Variants in GAA observed in about 807,000 individuals in gnomAD.
GAA encodes the protein alpha glucosidase.
Under a neutral mutation model 103.9 loss-of-function variants are expected in GAA, and 88 were observed. The observed-to-expected ratio is 0.85, with a 90% CI of 0.71 to 1.01. The LOEUF (loss-of-function observed/expected upper bound fraction) is 1.01, where lower values mean the gene tolerates loss of function less well. Ranked by LOEUF, GAA falls within the 50% of genes least tolerant of loss-of-function variation. GAA has a pLI of 0.00. For missense variants in GAA, 1,350 were observed against 1,305.3 expected (o/e 1.03, Z -0.53); for synonymous variants, 572 against 563.1 (o/e 1.02, Z -0.22).
In GAA at chr17:80,113,204, C is replaced by A; in HGVS notation, c.2041-14C>A. The A allele has an allele frequency of 6.3e-7, 1 of 1,587,356 alleles. No homozygotes were observed. The highest frequency in any genetic ancestry group is 2.3e-5 in the East Asian group (1 of 43,652). ...AGCACCCAAGTGCTTCCTTTGCCCC[C>A]GCCTGCCCTGCAGCCCCAGGAGCCG... On this transcript the variant is annotated splice_polypyrimidine_tract_variant and intron_variant, in intron 14 of 19. Coordinates refer to ENST00000302262, the MANE Select transcript of GAA (RefSeq NM_000152.5).
Position 80,111,140 on chromosome 17 carries a change from GGC to G in GAA, c.1636+117_1636+118del, listed in dbSNP as rs1491342160. ...AAGCAGATGGGCCAGCGGGGAAAGG[GGC>G]GGGGGGGGGATCCCCAGGAGAAAGG... is the stretch of plus-strand genomic sequence containing the variant. On this transcript the variant is annotated intron_variant, in intron 11 of 19. Transcript: ENST00000302262. 220 of 939,190 alleles carry G rather than the reference GGC, an allele frequency of 2.3e-4. 8 individuals are homozygous for G. Among genetic ancestry groups the G allele is most frequent in the African/African-American group, 6.1e-4 (31 of 50,930 alleles). The allele number at this position is 939,190 out of a possible 1,614,324, so 58.2% of individuals were successfully genotyped here.
rs753375900 is a variant in GAA, at chr17:80,104,724, C to T, written c.138C>T (p.Ser46=). 1.3e-5 allele frequency: 21 copies of T among 1,612,188 alleles called. No homozygotes were observed. The East Asian group carries it at 4.2e-4, about 33-fold the overall frequency. The change falls in exon 2 of 20, where the codon TCC becomes TCT. Residue 46 remains serine, a synonymous_variant. Transcript: ENST00000302262. This position sits in a 1 kb window ranked among gnomAD's most constrained non-coding sequence, Gnocchi z 4.0. ...TTCCCCGAGAGCTGAGTGGCTCCTCCCCAGTCCTGGAGGAGACTCACCCAG... is the reference window on the plus strand; with the variant it reads ...TTCCCCGAGAGCTGAGTGGCTCCTCTCCAGTCCTGGAGGAGACTCACCCAG... The part of the protein sequence containing the change: ...LLVPRELSGS[S]PVLEETHPAH...
chr17:80,111,942 C>A, intron 11 of GAA, 41 bp from the exon 12 acceptor site: 2 of 1,561,286 alleles, frequency 1.3e-6, no homozygotes, highest in Non-Finnish European at 1.8e-6. Context: ...TGGAGCCTGC[C>A]GGGAGGAAGC....
intron 15 of GAA, among the ~76,000 whole-genome samples, chr17:80,114,649 A>G (rs2143906742): frequency 6.6e-6 from 1 of 152,328 alleles, no homozygotes; most frequent in Non-Finnish European, 1.5e-5. Context: ...TAAGTCAAAT[A>G]GGAGGGAAAA....
chr17:80,110,434 C>A (rs1198667192), intron 9 of GAA, among the ~76,000 whole-genome samples: 1 of 152,194 alleles, frequency 6.6e-6, no homozygotes, highest in Non-Finnish European at 1.5e-5. Context: ...TTGCACGGGG[C>A]CGTCTCCGCT....
intron 16 of GAA, 60 bp downstream of exon 16, chr17:80,117,169 C>T (rs1342924714): frequency 3.2e-6 from 5 of 1,555,316 alleles, no homozygotes; most frequent in Admixed American, 1.7e-5. Flanking sequence ...CTCCCACCTG[C>T]CCCCTCCACC....
intron 11 of GAA, 126 bp downstream of exon 11, chr17:80,111,151 G>T: frequency 5.9e-6 from 5 of 844,728 alleles, no homozygotes; most frequent in East Asian, 2.7e-5. Context: ...GCGGGGGGGG[G>T]ATCCCCAGGA....
chr17:80,111,596 G>T, intron 11 of GAA: 2 of 328,174 alleles, frequency 6.1e-6, no homozygotes, highest in Non-Finnish European at 5.8e-6. Flanking sequence ...GAAGTACAAG[G>T]ATGGGCCTGG....
At chr17:80,116,681 A>G (rs924665110) in intron 15 of GAA, 1 of 494,560 alleles carries the variant, frequency 2.0e-6, no homozygotes, top group African/African-American at 1.9e-5. Flanking sequence ...GAGCGAGCAA[A>G]GTGAGGCCAG....
At chr17:80,115,867 T>C (rs888766282) in intron 15 of GAA, among the ~76,000 whole-genome samples, 3 of 152,232 alleles carry the variant, frequency 2.0e-5, no homozygotes, top group Admixed American at 1.3e-4. Context: ...ACAGATGGCA[T>C]CCGTGAGTCT....
At position 80,116,948 on chromosome 17, in the gene GAA, T is replaced by C. The variant is rs1485579975; in HGVS notation, c.2190-20T>C. The stretch of plus-strand genomic sequence containing the variant: ...ATCCCATTCATCACCCGTATGCCTG[T>C]GTGCCCATCCCCCTTGCAGGTTCCC... On this transcript the variant is annotated intron_variant, in intron 15 of 19. Coordinates refer to ENST00000302262, the MANE Select transcript of GAA (RefSeq NM_000152.5). The C allele has an allele frequency of 6.2e-7, 1 of 1,613,546 alleles. No homozygotes were observed. Among genetic ancestry groups the C allele is most frequent in the Admixed American group, 1.7e-5 (1 of 60,024 alleles).
chr17:80,108,434 C>T, intron 6 of GAA, 25 bp downstream of exon 6: 3 of 1,613,146 alleles, frequency 1.9e-6, no homozygotes, highest in Non-Finnish European at 2.5e-6. Flanking sequence ...CTGGCCGCGG[C>T]CCCCGCCCCA....
intron 9 of GAA, among the ~76,000 whole-genome samples, 183 bp from the exon 10 acceptor site, chr17:80,110,544 G>A (rs956762042): frequency 2.0e-5 from 3 of 152,370 alleles, no homozygotes; most frequent in African/African-American, 7.2e-5. Flanking sequence ...CCTTGGCCCC[G>A]CATCAGTGCC....
intron 15 of GAA, among the ~76,000 whole-genome samples, chr17:80,114,089 GAAAA>G (rs75151558): frequency 8.5e-5 from 6 of 70,516 alleles, no homozygotes; most frequent in Admixed American, 1.6e-4. Context: ...TTCATTTAGA[GAAAA>G]AAAAAAAAAA....
intron 15 of GAA, among the ~76,000 whole-genome samples, chr17:80,114,576 G>A (rs545770393): frequency 2.8e-4 from 42 of 152,180 alleles, no homozygotes; most frequent in Admixed American, 2.1e-3. Context: ...GCTGTTACAC[G>A]TCTGTATCCA....
chr17:80,103,882 C>G (rs567212240), intron 1 of GAA, among the ~76,000 whole-genome samples: 1 of 152,172 alleles, frequency 6.6e-6, no homozygotes, highest in Non-Finnish European at 1.5e-5. Context: ...GGAAAGGGAG[C>G]AAGGAAAGGT....
At chr17:80,102,824 G>A (rs1375029117) in intron 1 of GAA, 1 of 152,258 alleles carries the variant, frequency 6.6e-6, no homozygotes, top group Non-Finnish European at 1.5e-5. Context: ...GTGACAACCT[G>A]GGATTTGCCA....
At chr17:80,116,945 C>T (rs1207386748) in intron 15 of GAA, 23 bp from the exon 16 acceptor site, 1 of 1,613,384 alleles carries the variant, frequency 6.2e-7, no homozygotes, top group Non-Finnish European at 8.5e-7. Context: ...ACCCGTATGC[C>T]TGTGTGCCCA....
Position 80,105,733 on chromosome 17 carries a change from C to A in GAA, c.547-16C>A, listed in dbSNP as rs2039066932. ...GGTGGCTGTGGGGAACATCAATAAA[C>A]CCCCATCTCTTCTAGATCAAAGATC... On this transcript the variant is annotated splice_polypyrimidine_tract_variant and intron_variant, in intron 2 of 19. Coordinates refer to ENST00000302262, the MANE Select transcript of GAA (RefSeq NM_000152.5). 1.2e-6 allele frequency: 2 copies of A among 1,611,530 alleles called. No homozygotes were observed. The highest frequency in any genetic ancestry group is 8.5e-7 in the Non-Finnish European group (1 of 1,179,824).
Sources: gnomAD v4.1 joint callset for allele counts (sites outside exome capture counted in the v4.1 genomes callset) on GRCh38, gnomAD v4.1.1 for gene constraint, Gnocchi (gnomAD v3.1) non-coding constraint, MANE v1.5 for transcripts, NCBI Gene and HGNC (gene_info 2026-07-23, HGNC 2026-07-21) for gene names.